Variants in NEDD1 observed in about 807,000 individuals in gnomAD.
NEDD1 encodes the protein protein NEDD1.
In NEDD1, 33 loss-of-function variants were observed where a neutral mutation model predicts 74.0. The observed-to-expected ratio is 0.45, with a 90% CI of 0.34 to 0.60. The LOEUF is 0.60. Ranked by LOEUF, NEDD1 falls within the 20% of genes least tolerant of loss-of-function variation. The probability of loss-of-function intolerance (pLI) is 0.01; values close to 1 mark genes in which losing one functional copy is unlikely to be tolerated. For missense variants in NEDD1, 746 were observed against 776.5 expected (o/e 0.96, Z 0.47); for synonymous variants, 250 against 264.4 (o/e 0.95, Z 0.53).
intron 7 of NEDD1, among the ~76,000 whole-genome samples, chr12:96,935,527 T>G (rs963440583): frequency 1.3e-5 from 2 of 152,224 alleles, no homozygotes; most frequent in Admixed American, 6.5e-5. Flanking sequence ...TAAAACTGAT[T>G]AATTATCTAG....
Position 96,907,765 on chromosome 12 carries a change from C to T in NEDD1, c.-100C>T. On this transcript the variant is annotated 5_prime_UTR_variant, in exon 2 of 16. Coordinates refer to ENST00000266742, the MANE Select transcript of NEDD1 (RefSeq NM_152905.4). The stretch of plus-strand genomic sequence containing the variant: ...CCCTAAACCCAGGCCGACGTTACCG[C>T]CTTGTGTCCTGACTGCTAGCTTTCG... The T allele has an allele frequency of 6.5e-7, 1 of 1,529,804 alleles. No individual in the cohort carries two copies. 94.8% of individuals were successfully genotyped at this position (1,529,804 alleles called of 1,614,324 possible).
intron 2 of NEDD1, among the ~76,000 whole-genome samples, chr12:96,908,466 C>T (rs1270414830): frequency 6.6e-6 from 1 of 152,174 alleles, no homozygotes; most frequent in Non-Finnish European, 1.5e-5. Flanking sequence ...CCTTTTCTCC[C>T]ATGTACTTTT....
chr12:96,922,157 C>T (rs1284047359), intron 6 of NEDD1, among the ~76,000 whole-genome samples: 1 of 151,918 alleles, frequency 6.6e-6, no homozygotes, highest in Non-Finnish European at 1.5e-5. Context: ...TTAAAAATAG[C>T]CTTTAGAGGT....
chr12:96,937,367 G>A lies in NEDD1; in HGVS notation c.1091G>A (p.Gly364Glu). The A allele has an allele frequency of 2.5e-6, 4 of 1,601,922 alleles. No individual in the cohort carries two copies. Among genetic ancestry groups the A allele is most frequent in the Non-Finnish European group, 3.4e-6 (4 of 1,174,456 alleles). The change falls in exon 9 of 16, where the codon GGA (glycine) becomes GAA (glutamate). Residue 364 changes from glycine to glutamate, a missense_variant. Physicochemically the swap from Gly to Glu is moderately conservative, Grantham distance 98 (BLOSUM62 -2). Transcript: ENST00000266742. Reference protein sequence around the residue: ...PQPMTSAMGKGTVAVQEKAGL... With the variant: ...PQPMTSAMGKETVAVQEKAGL... ...CCTATGACATCAGCTATGGGGAAAG[G>A]AACAGTTGCTGTTCAAGAAAAAGCA...
rs765666936 is a variant in NEDD1, at chr12:96,952,075, G to A, written c.*22G>A. The A allele has an allele frequency of 1.2e-4, 160 of 1,293,994 alleles. No homozygotes were observed. Among genetic ancestry groups the A allele is most frequent in the Non-Finnish European group, 1.6e-4 (146 of 893,150 alleles). The allele number at this position is 1,293,994 out of a possible 1,614,324, so 80.2% of individuals were successfully genotyped here. On this transcript the variant is annotated 3_prime_UTR_variant, in exon 16 of 16. Coordinates refer to ENST00000266742, the MANE Select transcript of NEDD1 (RefSeq NM_152905.4). ...TTGAAATTTCAGTGAATACCTTAAT[G>A]TTCTGTAATTTGGGAAGTTTCTGGC...
In NEDD1 at chr12:96,952,891, A is replaced by G. The variant is rs771718801; in HGVS notation, c.*838A>G. 1.3e-5 allele frequency: 2 copies of G among 151,600 alleles called. No individual in the cohort carries two copies. Among genetic ancestry groups the G allele is most frequent in the African/African-American group, 2.4e-5 (1 of 41,374 alleles). 9.4% of individuals were successfully genotyped at this position (151,600 alleles called of 1,614,324 possible). A position where few individuals can be genotyped will look rare whatever the true frequency, so the allele number is the denominator to read the frequency against. ...GTATTATTTCTATTTTCTTTTTCCA[A>G]ATAAGAAGCTTGGATTATTTTATTT... On this transcript the variant is annotated 3_prime_UTR_variant, in exon 16 of 16. Transcript: ENST00000266742.
intron 11 of NEDD1, among the ~76,000 whole-genome samples, chr12:96,942,942 G>A (rs148894729): frequency 0.013 from 1,941 of 152,104 alleles, 23 homozygotes; most frequent in Middle Eastern, 0.027. Flanking sequence ...TATATATGGG[G>A]CAGCCAACAA....
Position 96,912,826 on chromosome 12 carries a change from T to TC in NEDD1, c.231+9_231+10insC. ...TAGAGCTTGCTGAAGGGGTAAGTGA[T>TC]TTTTTTTTTTTTTAAACTTTTAAAA... is the stretch of plus-strand genomic sequence containing the variant. On this transcript the variant is annotated intron_variant, in intron 4 of 15. Transcript: ENST00000266742. 1 of 348,060 alleles carries TC rather than the reference T, an allele frequency of 2.9e-6. No individual in the cohort carries two copies. The highest frequency in any genetic ancestry group is 4.3e-6 in the Non-Finnish European group (1 of 230,720). 21.6% of individuals were successfully genotyped at this position (348,060 alleles called of 1,614,324 possible).
chr12:96,933,175 T>TG (rs1876734198), intron 6 of NEDD1, among the ~76,000 whole-genome samples: 4 of 152,240 alleles, frequency 2.6e-5, no homozygotes, highest in Admixed American at 2.6e-4. Context: ...TGGATAACCA[T>TG]GTTTTAAGGA....
At position 96,935,121 on chromosome 12, in the gene NEDD1, T is replaced by C. The variant is rs1285891271; in HGVS notation, c.635T>C (p.Ile212Thr). Residue 212 changes from isoleucine to threonine, a missense_variant, in exon 7 of 16, where the codon ATC becomes ACC. Ile to Thr is a moderately conservative substitution (Grantham distance 89). Around this residue, in one of 3 missense-constraint regions of NEDD1, gnomAD observed 706 missense variants for 706.7 expected, o/e 1.00. Coordinates refer to ENST00000266742, the MANE Select transcript of NEDD1 (RefSeq NM_152905.4). Reference protein sequence around the residue: ...DSVHKAPASGICFSPVNELLF... With the variant: ...DSVHKAPASGTCFSPVNELLF... ...GTACACAAAGCTCCAGCGTCAGGCATCTGTTTTTCTCCTGTCAATGAATTG... is the reference window on the plus strand; with the variant it reads ...GTACACAAAGCTCCAGCGTCAGGCACCTGTTTTTCTCCTGTCAATGAATTG... The C allele has an allele frequency of 6.2e-7, 1 of 1,613,502 alleles. No individual in the cohort carries two copies. Among genetic ancestry groups the C allele is most frequent in the Admixed American group, 1.7e-5 (1 of 60,024 alleles).
rs1280670124 is a variant in NEDD1, at chr12:96,919,986, A to G, written c.350A>G (p.Asp117Gly). ...KSKRVHRSLK[D>G]HKDQVTCVTY... ...CTTACTTTCATTTCTCTCTTTCAGG[A>G]TCATAAAGATCAAGTAACTTGTGTA... Residue 117 changes from aspartate to glycine, a missense_variant and splice_region_variant, in exon 6 of 16, where the codon GAT (aspartate) becomes GGT (glycine). Coordinates refer to ENST00000266742, the MANE Select transcript of NEDD1 (RefSeq NM_152905.4). 1.2e-6 allele frequency: 2 copies of G among 1,602,910 alleles called. No homozygotes were observed. Among genetic ancestry groups the G allele is most frequent in the Non-Finnish European group, 1.7e-6 (2 of 1,172,232 alleles).
At position 96,909,966 on chromosome 12, in the gene NEDD1, A is replaced by G. The variant is rs61407297; in HGVS notation, c.136+71A>G. 13,354 of 1,531,226 alleles carry G rather than the reference A, an allele frequency of 8.7e-3. 801 individuals are homozygous for G. In the African/African-American group the frequency reaches 0.14, roughly 17 times the overall value. The allele number at this position is 1,531,226 out of a possible 1,614,324, so 94.9% of individuals were successfully genotyped here. The stretch of plus-strand genomic sequence containing the variant: ...TTATTAGGTTAAACAACCACTGTCA[A>G]TGAAACTTTTGCATGTGCCTCATAC... On this transcript the variant is annotated intron_variant, in intron 3 of 15. Coordinates refer to ENST00000266742, the MANE Select transcript of NEDD1 (RefSeq NM_152905.4).
At chr12:96,940,622 C>T (rs1877573962) in intron 10 of NEDD1, 85 bp downstream of exon 10, 1 of 902,682 alleles carries the variant, frequency 1.1e-6, no homozygotes. Context: ...AGCTTCAGTC[C>T]AACTCTATTC....
At position 96,907,820 on chromosome 12, in the gene NEDD1, A is replaced by C. The variant is rs1873484704; in HGVS notation, c.-45A>C. 6.9e-7 allele frequency: 1 copy of C among 1,452,040 alleles called. No homozygotes were observed. The highest frequency in any genetic ancestry group is 9.1e-7 in the Non-Finnish European group (1 of 1,102,168). The allele number at this position is 1,452,040 out of a possible 1,614,324, so 89.9% of individuals were successfully genotyped here. A position where few individuals can be genotyped will look rare whatever the true frequency, so the allele number is the denominator to read the frequency against. The stretch of plus-strand genomic sequence containing the variant: ...GACCGTCTTTGAGGGACTCATGTAA[A>C]GTCTCTCCCTTAATGCTCAGTTCTT... On this transcript the variant is annotated 5_prime_UTR_variant, in exon 2 of 16. Coordinates refer to ENST00000266742, the MANE Select transcript of NEDD1 (RefSeq NM_152905.4).
intron 13 of NEDD1, 43 bp downstream of exon 13, chr12:96,944,838 A>C (rs1878039812): frequency 7.3e-7 from 1 of 1,364,284 alleles, no homozygotes; most frequent in Non-Finnish European, 9.9e-7. Flanking sequence ...TGTTTGATTG[A>C]AAAATCATCC....
intron 6 of NEDD1, among the ~76,000 whole-genome samples, chr12:96,930,211 A>ACACACTCT (rs1416917962): frequency 3.4e-5 from 3 of 89,240 alleles, no homozygotes; most frequent in African/African-American, 1.0e-4. Flanking sequence ...ACACACACAC[A>ACACACTCT]CTCTCTCTCT....
chr12:96,907,826 T>C lies in NEDD1; in HGVS notation c.-39T>C. 6.9e-7 allele frequency: 1 copy of C among 1,443,786 alleles called. No individual in the cohort carries two copies. The highest frequency in any genetic ancestry group is 9.1e-7 in the Non-Finnish European group (1 of 1,098,118). 89.4% of individuals were successfully genotyped at this position (1,443,786 alleles called of 1,614,324 possible). On this transcript the variant is annotated 5_prime_UTR_variant, in exon 2 of 16. Coordinates refer to ENST00000266742, the MANE Select transcript of NEDD1 (RefSeq NM_152905.4). ...CTTTGAGGGACTCATGTAAAGTCTC[T>C]CCCTTAATGCTCAGTTCTTAGAAGA...
intron 6 of NEDD1, among the ~76,000 whole-genome samples, chr12:96,934,397 A>G (rs957306318): frequency 6.6e-6 from 1 of 151,990 alleles, no homozygotes; most frequent in Non-Finnish European, 1.5e-5. Flanking sequence ...TTAATAGGCT[A>G]TTGATTGGTA....
In NEDD1 at chr12:96,907,840, G is replaced by A. The variant is rs1445688355; in HGVS notation, c.-25G>A. On this transcript the variant is annotated 5_prime_UTR_variant, in exon 2 of 16. Transcript: ENST00000266742. ...TGTAAAGTCTCTCCCTTAATGCTCA[G>A]TTCTTAGAAGACCGAGGTAGGTGGG... The A allele has an allele frequency of 3.7e-6, 5 of 1,363,870 alleles. No homozygotes were observed. Among genetic ancestry groups the A allele is most frequent in the Admixed American group, 3.1e-5 (1 of 32,786 alleles). 84.5% of individuals were successfully genotyped at this position (1,363,870 alleles called of 1,614,324 possible).
Sources: allele counts gnomAD v4.1 joint callset (sites outside exome capture counted in the v4.1 genomes callset), GRCh38; gene constraint gnomAD v4.1.1; regional missense constraint gnomAD v4.1.1; transcripts MANE v1.5; gene names NCBI Gene and HGNC (gene_info 2026-07-23, HGNC 2026-07-21).